ADRA1A: variants seen among roughly 807,000 people sequenced by gnomAD.
ADRA1A encodes the protein alpha-1A adrenergic receptor.
Under a neutral mutation model 29.6 loss-of-function variants are expected in ADRA1A, and 31 were observed. That is an observed-to-expected ratio of 1.05 (90% CI 0.79 to 1.41). The LOEUF is 1.41. Among genes scored for constraint, ADRA1A ranks in the 40% most tolerant of loss-of-function variants. The pLI, the probability that ADRA1A is intolerant of heterozygous loss-of-function variation, is 0.00. For missense variants in ADRA1A, 619 were observed against 601.1 expected, an observed-to-expected ratio of 1.03 and a Z score of -0.31; for synonymous variants, 311 against 254.3, an observed-to-expected ratio of 1.22 and a Z score of -2.12.
intron 2 of ADRA1A, among the ~76,000 whole-genome samples, chr8:26,799,425 C>A (rs891529501): frequency 9.9e-5 from 15 of 152,174 alleles, no homozygotes; most frequent in African/African-American, 3.6e-4. Context: ...GAGAGCTGTG[C>A]AGTGACTTCC....
chr8:26,842,878 C>G (rs1175179657), intron 2 of ADRA1A, among the ~76,000 whole-genome samples: 1 of 148,558 alleles, frequency 6.7e-6, no homozygotes, highest in East Asian at 1.9e-4. Flanking sequence ...CACACACACA[C>G]ACACACACAC....
Position 26,770,339 on chromosome 8 carries a change from G to A in ADRA1A, c.1211C>T (p.Pro404Leu), listed in dbSNP as rs1389544003. The stretch of plus-strand genomic sequence containing the variant: ...CACTGTAATCCTGGCAGATCCACGG[G>A]GCATGGAAGAGAAAAATTTCCATTC... ...VCEWKFFSSM[P>L]RGSARITVSK... The change falls in exon 3 of 3, where the codon CCC becomes CTC. Residue 404 changes from proline (P) to leucine (L), a missense_variant. Coordinates refer to ENST00000380573, the MANE Select transcript of ADRA1A (RefSeq NM_000680.4). 2 of 1,614,172 alleles carry A rather than the reference G, an allele frequency of 1.2e-6. No homozygotes were observed. The highest frequency in any genetic ancestry group is 8.5e-7 in the Non-Finnish European group (1 of 1,180,024).
Position 26,864,966 on chromosome 8 carries a change from C to G in ADRA1A, c.4G>C (p.Val2Leu). M[V>L]FLSGNASDSS... ...TCGGAAGCATTTCCCGAGAGAAACA[C>G]CATGGTCCCAGCCGGGGCCGGGCGA... Residue 2 changes from valine to leucine, a missense_variant, in exon 2 of 3, where the codon GTG becomes CTG. Physicochemically the swap from Val to Leu is conservative, Grantham distance 32. Transcript: ENST00000380573. This position sits in a 1 kb window ranked among gnomAD's most constrained non-coding sequence, Gnocchi z 8.1. 1 of 1,598,268 alleles carries G rather than the reference C, an allele frequency of 6.3e-7. No individual in the cohort carries two copies. The highest frequency in any genetic ancestry group is 8.5e-7 in the Non-Finnish European group (1 of 1,174,292).
intron 2 of ADRA1A, among the ~76,000 whole-genome samples, chr8:26,850,934 CAA>C (rs1337378159): frequency 2.6e-5 from 4 of 152,204 alleles, no homozygotes; most frequent in Admixed American, 1.3e-4. Context: ...GCACCACAGA[CAA>C]TATGTCAATT....
chr8:26,770,231 G>T lies in ADRA1A; in HGVS notation c.1319C>A (p.Thr440Asn), dbSNP rs776927741. Residue 440 changes from threonine (T) to asparagine (N), a missense_variant, in exon 3 of 3, where the codon ACC becomes AAC. Physicochemically the swap from Thr to Asn is moderately conservative, Grantham distance 65. Coordinates refer to ENST00000380573, the MANE Select transcript of ADRA1A (RefSeq NM_000680.4). ...TTGATGGTTCTTGTCAAGGCTGGGG[G>T]TTGAGGGCCCTACACAGCAGCAGAC... ...LQVCCCVGPS[T>N]PSLDKNHQVP... 5.0e-6 allele frequency: 8 copies of T among 1,611,108 alleles called. No individual in the cohort carries two copies. The highest frequency in any genetic ancestry group is 1.6e-4 in the Middle Eastern group (1 of 6,066).
At chr8:26,798,086 C>A (rs1335334096) in intron 2 of ADRA1A, among the ~76,000 whole-genome samples, 4 of 152,192 alleles carry the variant, frequency 2.6e-5, no homozygotes, top group African/African-American at 7.2e-5. Context: ...TCAAGTGATT[C>A]TCCTGCCTCA....
chr8:26,799,452 G>T (rs1253834344), intron 2 of ADRA1A, among the ~76,000 whole-genome samples: 2 of 152,152 alleles, frequency 1.3e-5, no homozygotes, highest in African/African-American at 4.8e-5. Context: ...TCTGTGTGCT[G>T]GTTCTCAGTT....
At chr8:26,777,142 C>T (rs1187837324) in intron 2 of ADRA1A, among the ~76,000 whole-genome samples, 2 of 152,144 alleles carry the variant, frequency 1.3e-5, no homozygotes, top group African/African-American at 4.8e-5. Flanking sequence ...TGGCCTGAAC[C>T]CTCCTGGGGT....
chr8:26,829,381 T>C (rs1290039653), intron 2 of ADRA1A, among the ~76,000 whole-genome samples: 1 of 152,102 alleles, frequency 6.6e-6, no homozygotes, highest in African/African-American at 2.4e-5. Context: ...GGGAACTTTC[T>C]CAAAAGTGAG....
intron 2 of ADRA1A, among the ~76,000 whole-genome samples, chr8:26,749,518 A>G (rs1275885224): frequency 6.6e-6 from 1 of 152,228 alleles, no homozygotes; most frequent in African/African-American, 2.4e-5. Flanking sequence ...TTTAATAGCT[A>G]TGCATTGAAT....
In ADRA1A at chr8:26,859,988, G is replaced by A. The variant is rs537774969; in HGVS notation, c.883+4099C>T. ...TCACCATGTTGGCCAGGCTGGTCTCGAACTCCTGACCTCAAGTGATCCGCC... is the reference window on the plus strand; with the variant it reads ...TCACCATGTTGGCCAGGCTGGTCTCAAACTCCTGACCTCAAGTGATCCGCC... On this transcript the variant is annotated intron_variant, in intron 2 of 2. Transcript: ENST00000380573. 5.3e-5 allele frequency among the ~76,000 whole-genome samples: 8 copies of A among 152,034 alleles called. No individual in the cohort carries two copies. The East Asian group carries it at 1.4e-3, about 26-fold the overall frequency.
chr8:26,797,663 G>T (rs182521452), intron 2 of ADRA1A, among the ~76,000 whole-genome samples: 1 of 151,986 alleles, frequency 6.6e-6, no homozygotes, highest in African/African-American at 2.4e-5. Context: ...TTTGAATATT[G>T]TAAATATCAA....
Position 26,818,071 on chromosome 8 carries a change from G to A in ADRA1A, c.883+46016C>T, listed in dbSNP as rs139842360. Among the ~76,000 whole-genome samples the A allele has an allele frequency of 3.3e-4, 51 of 152,314 alleles. No individual in the cohort carries two copies. The East Asian group carries it at 9.6e-3, about 29-fold the overall frequency. On this transcript the variant is annotated intron_variant, in intron 2 of 2. Coordinates refer to ENST00000380573, the MANE Select transcript of ADRA1A (RefSeq NM_000680.4). ...ACATTACGCTGAGTAAAAGATGCCT[G>A]ACTCCAAAGGCTACAAACTGTATGA...
Position 26,769,211 on chromosome 8 carries a change from C to T in ADRA1A, c.*938G>A. 2.0e-6 allele frequency: 2 copies of T among 985,314 alleles called. No homozygotes were observed. The highest frequency in any genetic ancestry group is 2.4e-6 in the Non-Finnish European group (2 of 829,900). The allele number at this position is 985,314 out of a possible 1,614,324, so 61.0% of individuals were successfully genotyped here. A position where few individuals can be genotyped will look rare whatever the true frequency, so the allele number is the denominator to read the frequency against. On this transcript the variant is annotated 3_prime_UTR_variant, in exon 3 of 3. Coordinates refer to ENST00000380573, the MANE Select transcript of ADRA1A (RefSeq NM_000680.4). Reference sequence around the variant, plus strand: ...GTTCTGGAACAGGTAAGTGATTTGTCAAGAAAGGCTTTTGTAAGCCATGTT... The same window carrying T: ...GTTCTGGAACAGGTAAGTGATTTGTTAAGAAAGGCTTTTGTAAGCCATGTT...
At position 26,825,522 on chromosome 8, in the gene ADRA1A, C is replaced by T. The variant is rs1404659088; in HGVS notation, c.883+38565G>A. On this transcript the variant is annotated intron_variant, in intron 2 of 2. Transcript: ENST00000380573. This position sits in a 1 kb window ranked among gnomAD's most constrained non-coding sequence, Gnocchi z 5.7. ...CTCATCCCCTAAAGGCCATATTACC[C>T]CAACTTCTAGTTGTCAGCTATCCTT... Among the ~76,000 whole-genome samples, 3 of 152,154 alleles carry T rather than the reference C, an allele frequency of 2.0e-5. No individual in the cohort carries two copies. The highest frequency in any genetic ancestry group is 1.9e-4 in the East Asian group (1 of 5,194).
intron 2 of ADRA1A, among the ~76,000 whole-genome samples, chr8:26,811,006 T>C (rs1186837078): frequency 6.6e-6 from 1 of 152,192 alleles, no homozygotes; most frequent in Non-Finnish European, 1.5e-5. Flanking sequence ...AGTAAATTAA[T>C]AGAAAAAGAT....
intron 2 of ADRA1A, among the ~76,000 whole-genome samples, chr8:26,844,630 A>C (rs568561038): frequency 6.6e-6 from 1 of 152,170 alleles, no homozygotes; most frequent in Non-Finnish European, 1.5e-5. Flanking sequence ...TCAGTGGGAG[A>C]AAGAATAATT....
At chr8:26,766,603 G>A (rs533605661), downstream of ADRA1A, among the ~76,000 whole-genome samples, 8 of 152,276 alleles carry the variant, frequency 5.3e-5, no homozygotes, top group Non-Finnish European at 1.0e-4. Flanking sequence ...ATATGGCTTG[G>A]CATCCTCAGC....
rs573361017 is a variant in ADRA1A at position 26,769,931 on chromosome 8, C to T, written c.*218G>A. 3.5e-5 allele frequency: 45 copies of T among 1,292,076 alleles called. No individual in the cohort carries two copies. The African/African-American group carries it at 6.0e-4, about 17-fold the overall frequency. 80.0% of individuals were successfully genotyped at this position (1,292,076 alleles called of 1,614,324 possible). ...AGAAAGCATTAGCTGCAGGGAAATG[C>T]TGTTCCGTATCATTCTGAACTGGTT... On this transcript the variant is annotated 3_prime_UTR_variant, in exon 3 of 3. Transcript: ENST00000380573.
Sources: allele counts gnomAD v4.1 joint callset (sites outside exome capture counted in the v4.1 genomes callset), GRCh38; gene constraint gnomAD v4.1.1; non-coding constraint Gnocchi (gnomAD v3.1); transcripts MANE v1.5; gene names NCBI Gene and HGNC (gene_info 2026-07-23, HGNC 2026-07-21).